The following HNF4A variants were observed in gnomAD, a reference collection of about 807,000 sequenced individuals.
HNF4A encodes hepatocyte nuclear factor 4 alpha.
Under a neutral mutation model 52.4 loss-of-function variants are expected in HNF4A, and 15 were observed. The ratio of observed to expected loss-of-function variants is 0.29; its 90% CI spans 0.19 to 0.44. The LOEUF (loss-of-function observed/expected upper bound fraction) is 0.44. Ranked by LOEUF, HNF4A falls within the 20% of genes least tolerant of loss-of-function variation. The probability of loss-of-function intolerance (pLI) is 1.00; values close to 1 mark genes in which losing one functional copy is unlikely to be tolerated. For synonymous variants in HNF4A, 280 were observed against 264.4 expected, an observed-to-expected ratio of 1.06 and a Z score of -0.57; for missense variants, 479 against 647.2, an observed-to-expected ratio of 0.74 and a Z score of 2.82.
In HNF4A at chr20:44,428,488, G is replaced by A; in HGVS notation, c.1282+1G>A. 1 of 1,613,804 alleles carries A rather than the reference G, an allele frequency of 6.2e-7. No homozygotes were observed. The highest frequency in any genetic ancestry group is 8.5e-7 in the Non-Finnish European group (1 of 1,179,918). On this transcript the variant is annotated splice_donor_variant, in intron 9 of 9. Transcript: ENST00000316099. LOFTEE classifies it high-confidence loss of function. ...TGGCCCCGACCCAGGGGACAGGCAG[G>A]TGGGCAAACTCTGGGATTTTACCTT...
At chr20:44,405,172 G>A (rs150953951) in intron 1 of HNF4A, among the ~76,000 whole-genome samples, 126 of 150,818 alleles carry the variant, frequency 8.4e-4, no homozygotes, top group Non-Finnish European at 1.5e-3. Context: ...CTGACCCATT[G>A]CATTTGTCAT....
At chr20:44,356,526 C>T (rs1369583773) in intron 1 of HNF4A, among the ~76,000 whole-genome samples, 2 of 152,142 alleles carry the variant, frequency 1.3e-5, no homozygotes, top group African/African-American at 4.8e-5. Flanking sequence ...GACGTCTTTA[C>T]AGTGGAATGC....
At position 44,409,907 on chromosome 20, in the gene HNF4A, G is replaced by A. The variant is rs188025494; in HGVS notation, c.385+2432G>A. 6.6e-5 allele frequency among the ~76,000 whole-genome samples: 10 copies of A among 151,550 alleles called. No individual in the cohort carries two copies. The East Asian group carries it at 1.9e-3, about 29-fold the overall frequency. ...GGCTGGAGTGCAATGGCAGTATCTC[G>A]GCTCACTGCAACCTCCACCTCCTGG... On this transcript the variant is annotated intron_variant, in intron 3 of 9. Transcript: ENST00000316099.
intron 1 of HNF4A, among the ~76,000 whole-genome samples, chr20:44,366,254 T>C (rs1192163401): frequency 6.6e-6 from 1 of 152,198 alleles, no homozygotes; most frequent in Non-Finnish European, 1.5e-5. Context: ...GATTTGTGCT[T>C]GATGTTGTGA....
intron 1 of HNF4A, among the ~76,000 whole-genome samples, chr20:44,396,163 C>T (rs2063351311): frequency 6.6e-6 from 1 of 152,122 alleles, no homozygotes; most frequent in Non-Finnish European, 1.5e-5. Context: ...AAACAACAGC[C>T]CCTCCCTTAC....
chr20:44,401,282 C>T lies in HNF4A; in HGVS notation c.-91C>T. 1.5e-6 allele frequency: 2 copies of T among 1,349,770 alleles called. No homozygotes were observed. Among genetic ancestry groups the T allele is most frequent in the Non-Finnish European group, 2.1e-6 (2 of 954,880 alleles). The allele number at this position is 1,349,770 out of a possible 1,614,324, so 83.6% of individuals were successfully genotyped here. On this transcript the variant is annotated 5_prime_UTR_variant, in exon 1 of 10. Coordinates refer to ENST00000316099, the MANE Select transcript of HNF4A (RefSeq NM_000457.6). Reference sequence around the variant, plus strand: ...GTTTGAAAGGAAGGCAGAGAGGGCACTGGGAGGAGGCAGTGGGAGGGCGGA... The same window carrying T: ...GTTTGAAAGGAAGGCAGAGAGGGCATTGGGAGGAGGCAGTGGGAGGGCGGA...
intron 1 of HNF4A, among the ~76,000 whole-genome samples, chr20:44,366,226 T>C (rs1416432760): frequency 1.3e-5 from 2 of 152,236 alleles, no homozygotes; most frequent in Non-Finnish European, 2.9e-5. Context: ...ACTTTTGTTT[T>C]ATTTATGTAT....
At chr20:44,399,438 T>C (rs561470577), upstream of HNF4A, among the ~76,000 whole-genome samples, 95 of 151,938 alleles carry the variant, frequency 6.3e-4, no homozygotes, top group African/African-American at 2.2e-3. Context: ...AGTTGCTCCC[T>C]CTCCCCTTTC....
At chr20:44,424,507 T>A (rs922854680) in intron 8 of HNF4A, 19 of 1,028,000 alleles carry the variant, frequency 1.8e-5, no homozygotes, top group Non-Finnish European at 2.5e-5. Context: ...AAGAACAAGA[T>A]CTTTGCCCTC....
intron 1 of HNF4A, among the ~76,000 whole-genome samples, chr20:44,371,861 T>A (rs2063037536): frequency 6.6e-6 from 1 of 151,982 alleles, no homozygotes; most frequent in Non-Finnish European, 1.5e-5. Flanking sequence ...TCACCTCCTT[T>A]AAAAAAAGTG....
At chr20:44,378,271 A>ATTT (rs71195543) in intron 1 of HNF4A, among the ~76,000 whole-genome samples, 1 of 138,538 alleles carries the variant, frequency 7.2e-6, no homozygotes, top group Non-Finnish European at 1.6e-5. Context: ...TTATGCATGT[A>ATTT]TTTTTTTTTT....
At chr20:44,384,363 T>G (rs2063193780) in intron 1 of HNF4A, among the ~76,000 whole-genome samples, 1 of 152,140 alleles carries the variant, frequency 6.6e-6, no homozygotes, top group Non-Finnish European at 1.5e-5. Flanking sequence ...AGTGAGTTGA[T>G]GTAAGAAAAA....
At chr20:44,367,570 G>T (rs1298500125) in intron 1 of HNF4A, among the ~76,000 whole-genome samples, 1 of 151,346 alleles carries the variant, frequency 6.6e-6, no homozygotes, top group Non-Finnish European at 1.5e-5. Flanking sequence ...GAACCCAGGA[G>T]GCGGAGGTTG....
chr20:44,402,658 G>A (rs746025747), intron 1 of HNF4A: 1 of 1,340,010 alleles, frequency 7.5e-7, no homozygotes, highest in South Asian at 1.2e-5. Context: ...GGGGAAAAGA[G>A]GAGGCCCGGA....
intron 3 of HNF4A, 60 bp from the exon 4 acceptor site, chr20:44,413,634 C>T (rs1416810652): frequency 8.0e-7 from 1 of 1,252,526 alleles, no homozygotes; most frequent in Non-Finnish European, 1.2e-6. Flanking sequence ...CAGTCACAGA[C>T]ACCCCCACCC....
At chr20:44,362,369 G>A (rs60592092) in intron 1 of HNF4A, among the ~76,000 whole-genome samples, 80,198 of 147,600 alleles carry the variant, frequency 0.54, 22,399 homozygotes, top group Non-Finnish European at 0.63. Flanking sequence ...GCAGTGAGCC[G>A]AGGTTGTACC....
chr20:44,405,810 C>T (rs1288610557), intron 1 of HNF4A, among the ~76,000 whole-genome samples: 1 of 152,160 alleles, frequency 6.6e-6, no homozygotes, highest in Non-Finnish European at 1.5e-5. Flanking sequence ...AGCTGGGGCT[C>T]GTGGCCTCCA....
intron 1 of HNF4A, among the ~76,000 whole-genome samples, chr20:44,375,613 G>T (rs2063076903): frequency 6.6e-6 from 1 of 152,054 alleles, no homozygotes; most frequent in South Asian, 2.1e-4. Context: ...TAGTGGCAGA[G>T]CCAAGACTAG....
intron 1 of HNF4A, 84 bp from the exon 2 acceptor site, chr20:44,405,974 C>T (rs2063493793): frequency 9.7e-6 from 13 of 1,333,786 alleles, no homozygotes; most frequent in African/African-American, 1.4e-5. Flanking sequence ...GAGGCCGAAG[C>T]CCTGGAGAGA....
Sources: gnomAD v4.1 joint callset for allele counts (sites outside exome capture counted in the v4.1 genomes callset) on GRCh38, gnomAD v4.1.1 for gene constraint, MANE v1.5 for transcripts, NCBI Gene and HGNC (gene_info 2026-07-23, HGNC 2026-07-21) for gene names.